RARS2: variants seen among roughly 807,000 people sequenced by gnomAD.
RARS2 encodes the protein arginyl-tRNA synthetase 2, mitochondrial.
Under a neutral mutation model 88.5 loss-of-function variants are expected in RARS2, and 67 were observed. The ratio of observed to expected loss-of-function variants is 0.76; its 90% confidence interval spans 0.62 to 0.93. The LOEUF (loss-of-function observed/expected upper bound fraction) is 0.93. Ranked by LOEUF, RARS2 falls within the 40% of genes least tolerant of loss-of-function variation. The probability of loss-of-function intolerance (pLI) is 0.00; values close to 1 mark genes in which losing one functional copy is unlikely to be tolerated. For synonymous variants in RARS2, 239 were observed against 230.3 expected (o/e 1.04, Z -0.34); for missense variants, 664 against 684.2 (o/e 0.97, Z 0.33).
chr6:87,547,947 G>C (rs1473704462), intron 6 of RARS2, among the ~76,000 whole-genome samples: 1 of 152,074 alleles, frequency 6.6e-6, no homozygotes, highest in Non-Finnish European at 1.5e-5. Flanking sequence ...GCCAGAAATA[G>C]TCTTGTTTTA....
chr6:87,564,063 C>T, intron 3 of RARS2, 67 bp downstream of exon 3: 1 of 1,208,364 alleles, frequency 8.3e-7, no homozygotes, highest in Non-Finnish European at 1.2e-6. Context: ...CTGAGATAGC[C>T]TGCAAAGTAC....
intron 18 of RARS2, among the ~76,000 whole-genome samples, chr6:87,516,144 T>C (rs1259732769): frequency 1.3e-5 from 2 of 151,492 alleles, no homozygotes; most frequent in Admixed American, 6.6e-5. Context: ...CTTTATTAAA[T>C]GGCTTTACAG....
At chr6:87,579,823 C>T (rs1167362634) in intron 1 of RARS2, among the ~76,000 whole-genome samples, 2 of 146,252 alleles carry the variant, frequency 1.4e-5, no homozygotes, top group African/African-American at 2.6e-5. Context: ...GCCTCCCGGG[C>T]TCAAGCGATT....
chr6:87,529,658 T>A lies in RARS2; in HGVS notation c.772-10A>T, dbSNP rs1582389290. 4 of 1,563,078 alleles carry A rather than the reference T, an allele frequency of 2.6e-6. No individual in the cohort carries two copies. Among genetic ancestry groups the A allele is most frequent in the Non-Finnish European group, 2.6e-6 (3 of 1,133,864 alleles). ...AATATACTCCCAGACGCTAAAAGAG[T>A]TCAGAAACAAAAAGACAAAGAAATG... On this transcript the variant is annotated splice_polypyrimidine_tract_variant and intron_variant, in intron 9 of 19. Transcript: ENST00000369536.
chr6:87,587,997 C>T (rs1775665084), intron 1 of RARS2, among the ~76,000 whole-genome samples: 1 of 152,058 alleles, frequency 6.6e-6, no homozygotes, highest in African/African-American at 2.4e-5. Flanking sequence ...TGGTCTTGAA[C>T]GTCTCAGTTC....
At chr6:87,551,953 C>G (rs1032414235) in intron 5 of RARS2, among the ~76,000 whole-genome samples, 1 of 152,188 alleles carries the variant, frequency 6.6e-6, no homozygotes, top group Non-Finnish European at 1.5e-5. Flanking sequence ...CAGTAATTAG[C>G]TTCAAGTCTT....
chr6:87,528,044 G>A (rs1463346601), intron 10 of RARS2, among the ~76,000 whole-genome samples: 1 of 140,752 alleles, frequency 7.1e-6, no homozygotes, highest in Non-Finnish European at 1.5e-5. Flanking sequence ...TGCACATCCT[G>A]TACATTTGCC....
At chr6:87,580,591 C>CA (rs71018102) in intron 1 of RARS2, among the ~76,000 whole-genome samples, 81,823 of 136,524 alleles carry the variant, frequency 0.6, 24,296 homozygotes, top group African/African-American at 0.71. Context: ...AACCCTGTCT[C>CA]AAAAAAAAAA....
rs577808740 is a variant in RARS2, at chr6:87,575,219, T to C, written c.37-5629A>G. 3.8e-3 allele frequency among the ~76,000 whole-genome samples: 399 copies of C among 104,280 alleles called. 3 individuals are homozygous for C. Among genetic ancestry groups the C allele is most frequent in the African/African-American group, 0.013 (377 of 28,178 alleles). The allele number at this position is 104,280 out of a possible 152,430, so 68.4% of individuals were successfully genotyped here. Reference sequence around the variant, plus strand: ...AGCCACAGAGATGAACCCTAAAAAATAGAAAGCACACACACACACACACAC... The same window carrying C: ...AGCCACAGAGATGAACCCTAAAAAACAGAAAGCACACACACACACACACAC... On this transcript the variant is annotated intron_variant, in intron 1 of 19. Coordinates refer to ENST00000369536, the MANE Select transcript of RARS2 (RefSeq NM_020320.5).
intron 10 of RARS2, among the ~76,000 whole-genome samples, chr6:87,527,773 G>A (rs760267531): frequency 2.6e-5 from 4 of 151,850 alleles, no homozygotes; most frequent in Non-Finnish European, 5.9e-5. Flanking sequence ...CTAAAAAGTG[G>A]GCCAAAGAAG....
intron 1 of RARS2, among the ~76,000 whole-genome samples, chr6:87,582,880 T>C (rs192040743): frequency 6.6e-6 from 1 of 152,324 alleles, no homozygotes; most frequent in Admixed American, 6.5e-5. Flanking sequence ...TCTATCAAGC[T>C]ATGCAGATGT....
intron 1 of RARS2, among the ~76,000 whole-genome samples, chr6:87,579,820 G>A (rs552567111): frequency 5.6e-5 from 8 of 142,622 alleles, no homozygotes; most frequent in East Asian, 4.5e-4. Context: ...TCCGCCTCCC[G>A]GGCTCAAGCG....
intron 8 of RARS2, among the ~76,000 whole-genome samples, chr6:87,533,699 T>C (rs1261425866): frequency 6.6e-6 from 1 of 152,230 alleles, no homozygotes; most frequent in African/African-American, 2.4e-5. Context: ...TATTTCTAGA[T>C]GTTGGGCCTG....
chr6:87,532,753 G>A (rs1479436812), intron 8 of RARS2, among the ~76,000 whole-genome samples: 3 of 152,276 alleles, frequency 2.0e-5, no homozygotes, highest in South Asian at 2.1e-4. Context: ...GAATCGGGGG[G>A]AGGAGTGGTC....
chr6:87,535,202 A>C (rs1778754974), intron 8 of RARS2, among the ~76,000 whole-genome samples: 1 of 152,254 alleles, frequency 6.6e-6, no homozygotes, highest in African/African-American at 2.4e-5. Context: ...ATGTAACTTA[A>C]AACAATGATG....
chr6:87,564,333 A>C (rs1165096048), intron 2 of RARS2, 101 bp from the exon 3 acceptor site: 2 of 868,268 alleles, frequency 2.3e-6, no homozygotes, highest in Non-Finnish European at 3.8e-6. Context: ...ACATACCTTT[A>C]CCAGAAGAAG....
At chr6:87,567,508 A>G (rs577660845) in intron 2 of RARS2, among the ~76,000 whole-genome samples, 1 of 152,360 alleles carries the variant, frequency 6.6e-6, no homozygotes, top group Non-Finnish European at 1.5e-5. Context: ...TAAAATCGAG[A>G]GAATTAGATC....
In RARS2 at chr6:87,526,862, G is replaced by C. The variant is rs1775912193; in HGVS notation, c.879-2210C>G. 1.3e-5 allele frequency among the ~76,000 whole-genome samples: 2 copies of C among 151,482 alleles called. 1 individual carries two copies. Among genetic ancestry groups the C allele is most frequent in the African/African-American group, 4.8e-5 (2 of 41,278 alleles). ...ATTTTTGTATTTTTAGTAGAGATGG[G>C]GTTTCTCCATGTTGGTCAGGCTGGT... On this transcript the variant is annotated intron_variant, in intron 10 of 19. Coordinates refer to ENST00000369536, the MANE Select transcript of RARS2 (RefSeq NM_020320.5).
chr6:87,564,773 T>C (rs938655412), intron 2 of RARS2: 1 of 185,596 alleles, frequency 5.4e-6, no homozygotes, highest in Non-Finnish European at 1.1e-5. Context: ...TATCATCTTA[T>C]AAAATTCTTC....
Sources: gnomAD v4.1 joint callset for allele counts (sites outside exome capture counted in the v4.1 genomes callset) on GRCh38, gnomAD v4.1.1 for gene constraint, MANE v1.5 for transcripts, NCBI Gene and HGNC (gene_info 2026-07-23, HGNC 2026-07-21) for gene names.